Variants in ATXN2 observed in about 807,000 individuals in gnomAD.
The protein encoded by ATXN2 is ataxin-2.
A neutral mutation model predicts 138.6 loss-of-function variants in ATXN2; 37 were observed. The observed-to-expected ratio is 0.27, with a 90% confidence interval of 0.21 to 0.35. The LOEUF (loss-of-function observed/expected upper bound fraction) is 0.35, where lower values mean the gene tolerates loss of function less well. Ranked by LOEUF, ATXN2 falls within the 10% of genes least tolerant of loss-of-function variation. The probability of loss-of-function intolerance (pLI) is 1.00; values close to 1 mark genes in which losing one functional copy is unlikely to be tolerated. For missense variants in ATXN2, 1,216 were observed against 1,480.3 expected (o/e 0.82, Z 2.93); for synonymous variants, 549 against 543.7 (o/e 1.01, Z -0.13).
chr12:111,548,887 A>G (rs1237405871), intron 5 of ATXN2, among the ~76,000 whole-genome samples: 8 of 152,024 alleles, frequency 5.3e-5, no homozygotes, highest in Non-Finnish European at 1.5e-5. Flanking sequence ...ACGTCCCGCT[A>G]ATTTTTTACT....
At chr12:111,585,317 G>C (rs557237190) in intron 1 of ATXN2, among the ~76,000 whole-genome samples, 1 of 148,092 alleles carries the variant, frequency 6.8e-6, no homozygotes, top group African/African-American at 2.5e-5. Flanking sequence ...GTTCAAGACC[G>C]GCCTGGCCAA....
At chr12:111,531,863 G>A (rs917658349) in intron 5 of ATXN2, among the ~76,000 whole-genome samples, 49 of 152,212 alleles carry the variant, frequency 3.2e-4, no homozygotes, top group African/African-American at 1.1e-3. Context: ...CTATGAAACC[G>A]TATTCAGAAT....
chr12:111,591,077 A>C (rs1000036918), intron 1 of ATXN2, among the ~76,000 whole-genome samples: 1 of 151,754 alleles, frequency 6.6e-6, no homozygotes, highest in Non-Finnish European at 1.5e-5. Context: ...TTTTTAGTAG[A>C]GGGGGGTTTC....
intron 1 of ATXN2, chr12:111,597,607 T>C (rs1885001818): frequency 2.5e-6 from 1 of 407,892 alleles, no homozygotes; most frequent in Admixed American, 2.8e-5. Context: ...AAATACGAAC[T>C]GACAACCGCC....
intron 20 of ATXN2, among the ~76,000 whole-genome samples, chr12:111,466,707 C>G (rs975930475): frequency 3.3e-5 from 5 of 151,998 alleles, no homozygotes; most frequent in African/African-American, 1.2e-4. Context: ...ATTAGTGGTC[C>G]TATGTTTTCA....
chr12:111,541,068 C>T (rs1881474534), intron 5 of ATXN2, among the ~76,000 whole-genome samples: 1 of 150,066 alleles, frequency 6.7e-6, no homozygotes, highest in Non-Finnish European at 1.5e-5. Context: ...GGTAGTCATG[C>T]TTATAAAGTC....
chr12:111,586,400 T>G (rs1397318516), intron 1 of ATXN2, among the ~76,000 whole-genome samples: 1 of 146,358 alleles, frequency 6.8e-6, no homozygotes, highest in Non-Finnish European at 1.5e-5. Flanking sequence ...TTTTTTTTTT[T>G]TTTTTTTTTT....
chr12:111,478,303 G>C (rs1481385811), intron 18 of ATXN2, among the ~76,000 whole-genome samples: 1 of 152,122 alleles, frequency 6.6e-6, no homozygotes, highest in East Asian at 1.9e-4. Flanking sequence ...CTACTTGGGA[G>C]GCTAAGGCGT....
intron 5 of ATXN2, among the ~76,000 whole-genome samples, chr12:111,526,379 T>G (rs1297232725): frequency 6.6e-6 from 1 of 150,562 alleles, no homozygotes; most frequent in African/African-American, 2.5e-5. Context: ...AAAGAAAATT[T>G]CTATCAATCC....
intron 1 of ATXN2, among the ~76,000 whole-genome samples, chr12:111,593,112 T>C (rs1378172693): frequency 6.6e-6 from 1 of 151,982 alleles, no homozygotes; most frequent in Non-Finnish European, 1.5e-5. Context: ...AGACAGAGTC[T>C]CGCTCTGTTG....
chr12:111,543,579 G>A (rs1881648321), intron 5 of ATXN2, among the ~76,000 whole-genome samples: 3 of 152,130 alleles, frequency 2.0e-5, no homozygotes, highest in Non-Finnish European at 4.4e-5. Context: ...GATTAGAGGC[G>A]CACACCAGCA....
chr12:111,556,287 G>T (rs1302335703), intron 1 of ATXN2, among the ~76,000 whole-genome samples: 1 of 152,010 alleles, frequency 6.6e-6, no homozygotes. Context: ...GCTGAGGCAG[G>T]ATCACCAGAG....
At chr12:111,456,005 A>G in intron 23 of ATXN2, 24 bp downstream of exon 23, 1 of 1,606,098 alleles carries the variant, frequency 6.2e-7, no homozygotes, top group African/African-American at 1.3e-5. Context: ...GCCTTCACAG[A>G]AAGTTGGCTA....
In ATXN2 at chr12:111,488,499, C is replaced by T; in HGVS notation, c.2217G>A (p.Lys739=). Residue 739 remains lysine, a synonymous_variant, in exon 15 of 25, where the codon AAG becomes AAA. Transcript: ENST00000673436. ...SPACKQEKDD[K]EEKKDAAEQV... ...ACTCAGCTGCGTCTTTCTTCTCTTC[C>T]TTATCGTCTTTCTCTTGTTTACATG... 4.3e-6 allele frequency: 7 copies of T among 1,613,026 alleles called. No individual in the cohort carries two copies. Among genetic ancestry groups the T allele is most frequent in the Non-Finnish European group, 5.9e-6 (7 of 1,179,394 alleles).
At chr12:111,567,389 A>G (rs1883069999) in intron 1 of ATXN2, among the ~76,000 whole-genome samples, 1 of 151,910 alleles carries the variant, frequency 6.6e-6, no homozygotes, top group Admixed American at 6.6e-5. Flanking sequence ...AGTCCCAGAT[A>G]CTCAGGAGGC....
At chr12:111,569,952 C>T (rs653178) in intron 1 of ATXN2, among the ~76,000 whole-genome samples, 102,671 of 152,086 alleles carry the variant, frequency 0.68, 37,625 homozygotes, top group East Asian at 1. Context: ...CTATGTCATG[C>T]TGTCCAATAT....
intron 6 of ATXN2, among the ~76,000 whole-genome samples, chr12:111,523,143 G>A (rs888598621): frequency 6.6e-6 from 1 of 151,506 alleles, no homozygotes; most frequent in Non-Finnish European, 1.5e-5. Flanking sequence ...GCTGGGCATG[G>A]TGGCAGCTAC....
At chr12:111,562,125 T>TA (rs79681962) in intron 1 of ATXN2, among the ~76,000 whole-genome samples, 11,261 of 140,628 alleles carry the variant, frequency 0.08, 532 homozygotes, top group Middle Eastern at 0.2. Flanking sequence ...GACTCCACCT[T>TA]AAAAAAAAAA....
intron 6 of ATXN2, among the ~76,000 whole-genome samples, chr12:111,523,478 CT>C: frequency 6.6e-6 from 1 of 152,206 alleles, no homozygotes; most frequent in African/African-American, 2.4e-5. Context: ...AATCTCAGCA[CT>C]TTGGGAGGCC....
Sources: allele counts gnomAD v4.1 joint callset (sites outside exome capture counted in the v4.1 genomes callset), GRCh38; gene constraint gnomAD v4.1.1; transcripts MANE v1.5; gene names NCBI Gene and HGNC (gene_info 2026-07-23, HGNC 2026-07-21).